The following WNT7A variants were observed in gnomAD, a reference collection of about 807,000 sequenced individuals.
WNT7A encodes the protein Wnt family member 7A.
WNT7A carries 16 observed loss-of-function variants against 28.2 expected under a neutral mutation model. That is an observed-to-expected ratio of 0.57 (90% CI 0.38 to 0.86). The LOEUF is 0.86. Ranked by LOEUF, WNT7A falls within the 40% of genes least tolerant of loss-of-function variation. The pLI, the probability that WNT7A is intolerant of heterozygous loss-of-function variation, is 0.00. For missense variants in WNT7A, 411 were observed against 489.7 expected, an observed-to-expected ratio of 0.84 and a Z score of 1.52; for synonymous variants, 190 against 195.9, an observed-to-expected ratio of 0.97 and a Z score of 0.25.
chr3:13,833,395 G>A (rs1352089482), intron 3 of WNT7A, among the ~76,000 whole-genome samples: 2 of 152,142 alleles, frequency 1.3e-5, no homozygotes, highest in African/African-American at 4.8e-5. Flanking sequence ...CCTCAAACAT[G>A]AAGGGAGCCC....
intron 2 of WNT7A, among the ~76,000 whole-genome samples, chr3:13,867,778 G>A (rs561715935): frequency 3.8e-4 from 58 of 152,302 alleles, no homozygotes; most frequent in Non-Finnish European, 7.8e-4. Context: ...AGAAAAATGG[G>A]GAAAAAGCAT....
chr3:13,872,603 A>G (rs1007499672), intron 2 of WNT7A, among the ~76,000 whole-genome samples: 1 of 152,068 alleles, frequency 6.6e-6, no homozygotes, highest in Admixed American at 6.5e-5. Flanking sequence ...GAATTCCCCC[A>G]GCCACCTCTG....
intron 3 of WNT7A, among the ~76,000 whole-genome samples, chr3:13,841,174 C>T (rs1241827190): frequency 2.0e-5 from 3 of 152,292 alleles, no homozygotes; most frequent in East Asian, 1.9e-4. Flanking sequence ...TAATCTCAGG[C>T]GTCAGTGAAT....
chr3:13,865,016 A>G (rs1005319280), intron 2 of WNT7A, among the ~76,000 whole-genome samples: 1 of 152,168 alleles, frequency 6.6e-6, no homozygotes, highest in African/African-American at 2.4e-5. Context: ...GGGTGGATAT[A>G]CTTTTTGGTA....
chr3:13,860,028 C>A (rs1383486553), intron 2 of WNT7A, among the ~76,000 whole-genome samples: 1 of 151,854 alleles, frequency 6.6e-6, no homozygotes, highest in Non-Finnish European at 1.5e-5. Context: ...TGCCCCAAGG[C>A]ATGAGCACAG....
chr3:13,863,442 ATGTG>A (rs1559305168), intron 2 of WNT7A, among the ~76,000 whole-genome samples: 1 of 149,780 alleles, frequency 6.7e-6, no homozygotes, highest in Non-Finnish European at 1.5e-5. Flanking sequence ...GTATGTGTAT[ATGTG>A]TGTGTGTGTC....
intron 3 of WNT7A, among the ~76,000 whole-genome samples, chr3:13,835,993 C>CAG (rs1370502085): frequency 6.6e-6 from 1 of 152,062 alleles, no homozygotes; most frequent in East Asian, 1.9e-4. Context: ...AGACAGAGAG[C>CAG]AGAGGAGTTG....
At chr3:13,877,075 G>C (rs1695120383) in intron 1 of WNT7A, 1 of 152,190 alleles carries the variant, frequency 6.6e-6, no homozygotes, top group Non-Finnish European at 1.5e-5. Flanking sequence ...GCACTTCAAA[G>C]ATGTGGCTCC....
chr3:13,868,724 GAA>G (rs1308051457), intron 2 of WNT7A, among the ~76,000 whole-genome samples: 2 of 133,570 alleles, frequency 1.5e-5, no homozygotes, highest in African/African-American at 5.8e-5. Flanking sequence ...AAGAAAGAAA[GAA>G]AGAAAGAAAG....
At chr3:13,847,113 G>C (rs1219355779) in intron 3 of WNT7A, among the ~76,000 whole-genome samples, 19 of 152,354 alleles carry the variant, frequency 1.2e-4, no homozygotes, top group East Asian at 7.7e-4. Flanking sequence ...TGCCCTCGCT[G>C]TGTCATCAGA....
intron 1 of WNT7A, among the ~76,000 whole-genome samples, chr3:13,878,646 T>C (rs1011204114): frequency 8.6e-5 from 13 of 151,920 alleles, no homozygotes; most frequent in African/African-American, 3.1e-4. Flanking sequence ...GGGGTAGTAG[T>C]GACAAAACAC....
intron 2 of WNT7A, among the ~76,000 whole-genome samples, chr3:13,855,975 G>A (rs1694722980): frequency 6.6e-6 from 1 of 152,134 alleles, no homozygotes; most frequent in Non-Finnish European, 1.5e-5. Context: ...CCATGCTCAG[G>A]GAGGTCCTTC....
chr3:13,828,788 G>T (rs1034200268), intron 3 of WNT7A, among the ~76,000 whole-genome samples: 1 of 152,210 alleles, frequency 6.6e-6, no homozygotes, highest in Non-Finnish European at 1.5e-5. Flanking sequence ...TGTACCTCAG[G>T]TTATAAGCAG....
chr3:13,824,078 T>C (rs1260189194), intron 3 of WNT7A, among the ~76,000 whole-genome samples: 1 of 152,250 alleles, frequency 6.6e-6, no homozygotes, highest in Non-Finnish European at 1.5e-5. Context: ...TCTTTCTTTT[T>C]TAAAACAGCT....
At chr3:13,848,066 T>TAAAA (rs541790932) in intron 3 of WNT7A, among the ~76,000 whole-genome samples, 4 of 135,202 alleles carry the variant, frequency 3.0e-5, no homozygotes, top group African/African-American at 1.2e-4. Context: ...AATGAATTTT[T>TAAAA]TAAAAAAAAC....
At chr3:13,841,241 A>G (rs1694451984) in intron 3 of WNT7A, among the ~76,000 whole-genome samples, 1 of 152,190 alleles carries the variant, frequency 6.6e-6, no homozygotes, top group Non-Finnish European at 1.5e-5. Context: ...AGCGTTTCCC[A>G]CTAGACTAAG....
At position 13,874,883 on chromosome 3, in the gene WNT7A, T is replaced by A. The variant is rs527448335; in HGVS notation, c.298+64A>T. On this transcript the variant is annotated intron_variant, in intron 2 of 3. Coordinates refer to ENST00000285018, the MANE Select transcript of WNT7A (RefSeq NM_004625.4). ...AGGTGAGGGAGTTCCAGAGGGCACC[T>A]GAGGGTATTCTGGTGTCCCTAGAGC... 26 of 1,538,984 alleles carry A rather than the reference T, an allele frequency of 1.7e-5. No homozygotes were observed. In the African/African-American group the frequency reaches 2.7e-4, roughly 16 times the overall value.
At chr3:13,831,965 C>T (rs931571288) in intron 3 of WNT7A, among the ~76,000 whole-genome samples, 2 of 152,200 alleles carry the variant, frequency 1.3e-5, no homozygotes, top group Non-Finnish European at 2.9e-5. Flanking sequence ...TGGAGGTCAG[C>T]GGGCAGGCAG....
chr3:13,842,184 C>G (rs1286728543), intron 3 of WNT7A, among the ~76,000 whole-genome samples: 1 of 152,062 alleles, frequency 6.6e-6, no homozygotes, highest in Non-Finnish European at 1.5e-5. Context: ...GTTTAACTGA[C>G]ATTTGAAAAG....
Sources: gnomAD v4.1 joint callset for allele counts (sites outside exome capture counted in the v4.1 genomes callset) on GRCh38, gnomAD v4.1.1 for gene constraint, MANE v1.5 for transcripts, NCBI Gene and HGNC (gene_info 2026-07-23, HGNC 2026-07-21) for gene names.